Variants in PKIB observed in about 807,000 individuals in gnomAD.
The protein encoded by PKIB is PKI-beta.
Under a neutral mutation model 4.5 loss-of-function variants are expected in PKIB, and 2 were observed. That is an observed-to-expected ratio of 0.44 (90% CI 0.18 to 1.39). The LOEUF (loss-of-function observed/expected upper bound fraction) is 1.39, where lower values mean the gene tolerates loss of function less well. Ranked by LOEUF, PKIB falls within the 40% of genes most tolerant of loss-of-function variation. The probability of loss-of-function intolerance (pLI) is 0.27; values close to 1 mark genes in which losing one functional copy is unlikely to be tolerated. For synonymous variants in PKIB, 38 were observed against 36.0 expected (o/e 1.06, Z -0.20); for missense variants, 94 against 92.6 (o/e 1.02, Z -0.06).
chr6:122,608,771 G>A (rs1774628285), upstream of PKIB, among the ~76,000 whole-genome samples: 1 of 152,032 alleles, frequency 6.6e-6, no homozygotes, highest in Non-Finnish European at 1.5e-5. Context: ...GAGGTCTAGT[G>A]GTTTTCTCAC....
intron 1 of PKIB, among the ~76,000 whole-genome samples, chr6:122,615,667 G>A (rs1475244481): frequency 6.6e-6 from 1 of 152,100 alleles, no homozygotes; most frequent in African/African-American, 2.4e-5. Context: ...AGTAAGGTGG[G>A]CTCTTAACCC....
chr6:122,547,972 G>A (rs1018688912), intron 2 of PKIB, among the ~76,000 whole-genome samples: 4 of 152,042 alleles, frequency 2.6e-5, no homozygotes, highest in East Asian at 1.9e-4. Flanking sequence ...CACTCCAAAC[G>A]CTAGGCCTAG....
At chr6:122,506,892 G>A (rs1562233038) in intron 2 of PKIB, among the ~76,000 whole-genome samples, 1 of 151,066 alleles carries the variant, frequency 6.6e-6, no homozygotes, top group African/African-American at 2.4e-5. Context: ...TAGTAGAGAC[G>A]GGGTTTCACC....
At chr6:122,638,906 T>C (rs181455772) in intron 2 of PKIB, among the ~76,000 whole-genome samples, 35 of 152,312 alleles carry the variant, frequency 2.3e-4, no homozygotes, top group African/African-American at 8.2e-4. Context: ...AAAAAAAGAC[T>C]ACAGAATAGA....
chr6:122,503,693 C>A (rs1776313943), intron 2 of PKIB, among the ~76,000 whole-genome samples: 1 of 152,140 alleles, frequency 6.6e-6, no homozygotes, highest in Non-Finnish European at 1.5e-5. Context: ...AATACCCTAG[C>A]ACTGGTCCTA....
chr6:122,713,553 A>G (rs1779355851), intron 3 of PKIB, among the ~76,000 whole-genome samples: 1 of 152,162 alleles, frequency 6.6e-6, no homozygotes, highest in African/African-American at 2.4e-5. Flanking sequence ...AGCATGTGCA[A>G]TCGGTGTTGT....
At chr6:122,723,485 C>A (rs752305339) in intron 4 of PKIB, among the ~76,000 whole-genome samples, 4 of 152,068 alleles carry the variant, frequency 2.6e-5, no homozygotes, top group Admixed American at 6.6e-5. Context: ...TTCTCGTATT[C>A]TCCATCCCAT....
At chr6:122,510,531 G>A (rs907514876) in intron 2 of PKIB, among the ~76,000 whole-genome samples, 6 of 152,094 alleles carry the variant, frequency 3.9e-5, no homozygotes, top group African/African-American at 1.4e-4. Context: ...ATAACAAGTG[G>A]CCAGTCTTTA....
intron 2 of PKIB, among the ~76,000 whole-genome samples, chr6:122,491,362 G>A (rs772035838): frequency 4.6e-5 from 7 of 152,112 alleles, no homozygotes; most frequent in Non-Finnish European, 1.0e-4. Flanking sequence ...TAATGTGCAT[G>A]CTTGAGCTCA....
chr6:122,693,269 T>C (rs1012856126), intron 3 of PKIB, among the ~76,000 whole-genome samples: 1 of 152,238 alleles, frequency 6.6e-6, no homozygotes, highest in African/African-American at 2.4e-5. Context: ...GTCAACTAAC[T>C]GTTGACTTTC....
At chr6:122,716,544 C>G (rs1322940100) in intron 3 of PKIB, among the ~76,000 whole-genome samples, 3 of 152,110 alleles carry the variant, frequency 2.0e-5, no homozygotes, top group Non-Finnish European at 4.4e-5. Context: ...AATAGAATGA[C>G]TCTTTTTTGG....
At chr6:122,653,054 G>A (rs2114885698) in intron 2 of PKIB, among the ~76,000 whole-genome samples, 1 of 152,284 alleles carries the variant, frequency 6.6e-6, no homozygotes, top group South Asian at 2.1e-4. Context: ...TGCCTGTGCA[G>A]GGGCTAATTC....
At chr6:122,532,427 A>G (rs73768326) in intron 2 of PKIB, among the ~76,000 whole-genome samples, 9 of 152,288 alleles carry the variant, frequency 5.9e-5, no homozygotes, top group African/African-American at 2.2e-4. Flanking sequence ...TAAGCAGACA[A>G]GTCATTAGCA....
intron 2 of PKIB, among the ~76,000 whole-genome samples, chr6:122,523,014 A>G (rs766588616): frequency 6.6e-6 from 1 of 152,170 alleles, no homozygotes; most frequent in African/African-American, 2.4e-5. Flanking sequence ...AGGACATCCA[A>G]TACTATGTTG....
At chr6:122,544,019 TAA>T (rs963205497) in intron 2 of PKIB, among the ~76,000 whole-genome samples, 2 of 151,996 alleles carry the variant, frequency 1.3e-5, no homozygotes, top group African/African-American at 4.8e-5. Context: ...ACCACAGCAA[TAA>T]TATTCATTGA....
intron 1 of PKIB, among the ~76,000 whole-genome samples, chr6:122,629,758 T>C (rs1775616809): frequency 6.6e-6 from 1 of 152,140 alleles, no homozygotes; most frequent in African/African-American, 2.4e-5. Flanking sequence ...AGTCTAATCA[T>C]GAGAAAAACA....
intron 2 of PKIB, among the ~76,000 whole-genome samples, chr6:122,662,809 T>G (rs1355354157): frequency 6.6e-6 from 1 of 152,156 alleles, no homozygotes; most frequent in African/African-American, 2.4e-5. Context: ...AGAGGGTATA[T>G]AACTTGTCCA....
At chr6:122,487,844 G>C (rs1775814311) in intron 2 of PKIB, among the ~76,000 whole-genome samples, 1 of 152,088 alleles carries the variant, frequency 6.6e-6, no homozygotes, top group South Asian at 2.1e-4. Flanking sequence ...TTCAGGACAG[G>C]GATATGAGAG....
At chr6:122,681,606 A>G (rs1777897992) in intron 3 of PKIB, among the ~76,000 whole-genome samples, 1 of 152,182 alleles carries the variant, frequency 6.6e-6, no homozygotes, top group African/African-American at 2.4e-5. Context: ...CATTTTTTGG[A>G]TTAACCAATT....
Sources: allele counts gnomAD v4.1 joint callset (sites outside exome capture counted in the v4.1 genomes callset), GRCh38; gene constraint gnomAD v4.1.1; transcripts MANE v1.5; gene names NCBI Gene and HGNC (gene_info 2026-07-23, HGNC 2026-07-21).